Variants in BLTP3A observed in about 807,000 individuals in gnomAD.
The protein encoded by BLTP3A is ICBP90 binding protein 1.
chr6:34,837,876 G>A, the BLTP3A span, among the ~76,000 whole-genome samples: 1 of 152,032 alleles, frequency 6.6e-6, no homozygotes, highest in Non-Finnish European at 1.5e-5. Flanking sequence ...AAAGGCTTTG[G>A]GTATTTTTTG....
the BLTP3A span, among the ~76,000 whole-genome samples, chr6:34,826,809 C>T: frequency 6.6e-6 from 1 of 152,086 alleles, no homozygotes; most frequent in Non-Finnish European, 1.5e-5. Flanking sequence ...CCCCAGTAAT[C>T]GTTCTGCTTT....
At chr6:34,871,896 G>A in the BLTP3A span, 4 of 1,614,166 alleles carry the variant, frequency 2.5e-6, no homozygotes, top group African/African-American at 2.7e-5. Context: ...GGTGTTTTTG[G>A]TGCCCACAGG....
chr6:34,820,432 C>G, the BLTP3A span, among the ~76,000 whole-genome samples: 1 of 152,030 alleles, frequency 6.6e-6, no homozygotes, highest in Non-Finnish European at 1.5e-5. Flanking sequence ...TTACTGTTGT[C>G]AAATCAGTCC....
chr6:34,856,080 A>G, the BLTP3A span, among the ~76,000 whole-genome samples: 9 of 152,218 alleles, frequency 5.9e-5, no homozygotes, highest in Admixed American at 5.9e-4. Context: ...ACCCAGAAGA[A>G]TGTGCAACCT....
At chr6:34,840,407 A>T in the BLTP3A span, among the ~76,000 whole-genome samples, 5 of 148,068 alleles carry the variant, frequency 3.4e-5, no homozygotes, top group South Asian at 1.1e-3. Context: ...AAAAAAAAAA[A>T]ATACAAAAAT....
At chr6:34,827,035 G>A in the BLTP3A span, among the ~76,000 whole-genome samples, 11 of 152,198 alleles carry the variant, frequency 7.2e-5, no homozygotes, top group South Asian at 1.0e-3. Flanking sequence ...AAAATAGGCC[G>A]GGCTCAGTGG....
chr6:34,871,766 G>C, the BLTP3A span: 1 of 1,611,772 alleles, frequency 6.2e-7, no homozygotes, highest in South Asian at 1.1e-5. Context: ...CCTAGGAACT[G>C]TTTGGGAGTT....
the BLTP3A span, among the ~76,000 whole-genome samples, chr6:34,843,170 G>A: frequency 1.3e-5 from 2 of 151,986 alleles, no homozygotes; most frequent in African/African-American, 2.4e-5. Context: ...TTGTTGTAGA[G>A]ATGAGGTCTC....
the BLTP3A span, among the ~76,000 whole-genome samples, chr6:34,808,884 C>G: frequency 7.9e-5 from 12 of 152,112 alleles, no homozygotes; most frequent in Non-Finnish European, 1.6e-4. Flanking sequence ...GCCTGAACAT[C>G]TTTTTGTCAA....
chr6:34,810,130 A>G, the BLTP3A span, among the ~76,000 whole-genome samples: 1 of 152,206 alleles, frequency 6.6e-6, no homozygotes, highest in Non-Finnish European at 1.5e-5. Flanking sequence ...ATCTCAATCT[A>G]TAGGAAATAT....
the BLTP3A span, among the ~76,000 whole-genome samples, chr6:34,811,684 C>T: frequency 7.8e-6 from 1 of 128,646 alleles, no homozygotes; most frequent in African/African-American, 3.1e-5. Context: ...ACCCCCCCCC[C>T]CGCATCTCTA....
the BLTP3A span, chr6:34,857,783 A>C: frequency 4.3e-6 from 7 of 1,614,026 alleles, no homozygotes; most frequent in Non-Finnish European, 5.1e-6. Context: ...GGATCCTGTC[A>C]GTTTGCTCTG....
At chr6:34,804,135 G>A in the BLTP3A span, among the ~76,000 whole-genome samples, 38 of 152,174 alleles carry the variant, frequency 2.5e-4, no homozygotes, top group East Asian at 7.2e-3. Flanking sequence ...CTGAGCCCAG[G>A]TGAGCTTCCT....
At chr6:34,846,144 C>T in the BLTP3A span, among the ~76,000 whole-genome samples, 2 of 116,338 alleles carry the variant, frequency 1.7e-5, no homozygotes, top group Admixed American at 1.1e-4. Context: ...TTCCTTCTTT[C>T]CTTGCTTCCA....
the BLTP3A span, among the ~76,000 whole-genome samples, chr6:34,862,912 C>CTT: frequency 2.0e-3 from 273 of 139,756 alleles, 1 homozygote; most frequent in African/African-American, 6.6e-3. Flanking sequence ...TGATAATTTG[C>CTT]TTTTTTTTTT....
At chr6:34,836,331 GC>G in the BLTP3A span, 1 of 1,614,064 alleles carries the variant, frequency 6.2e-7, no homozygotes, top group East Asian at 2.2e-5. Context: ...TGTGATGATA[GC>G]CAGTCCCGAG....
At chr6:34,871,858 G>A in the BLTP3A span, 1 of 1,614,230 alleles carries the variant, frequency 6.2e-7, no homozygotes, top group Admixed American at 1.7e-5. Context: ...GTACTTAAAA[G>A]TGAGAAGAGA....
At chr6:34,867,419 T>C in the BLTP3A span, 1 of 1,613,614 alleles carries the variant, frequency 6.2e-7, no homozygotes, top group South Asian at 1.1e-5. Flanking sequence ...GGGTAGGCTC[T>C]GGGCTGAGAG....
chr6:34,859,750 A>G, the BLTP3A span, among the ~76,000 whole-genome samples: 1 of 152,208 alleles, frequency 6.6e-6, no homozygotes, highest in Non-Finnish European at 1.5e-5. Flanking sequence ...GCTTCTTAGA[A>G]TCAGATTATC....
Sources: allele counts gnomAD v4.1 joint callset (sites outside exome capture counted in the v4.1 genomes callset), GRCh38; gene constraint gnomAD v4.1.1; transcripts MANE v1.5; gene names NCBI Gene and HGNC (gene_info 2026-07-23, HGNC 2026-07-21).